Variants in IFFO2 observed in about 807,000 individuals in gnomAD.
IFFO2 encodes intermediate filament family orphan 2.
In IFFO2, 19 loss-of-function variants were observed where a neutral mutation model predicts 53.5. That is an observed-to-expected ratio of 0.36 (90% CI 0.25 to 0.52). The LOEUF is 0.52. Ranked by LOEUF, IFFO2 falls within the 20% of genes least tolerant of loss-of-function variation. IFFO2 has a pLI of 0.94. For missense variants in IFFO2, 570 were observed against 727.4 expected, an observed-to-expected ratio of 0.78 and a Z score of 2.49; for synonymous variants, 303 against 313.6, an observed-to-expected ratio of 0.97 and a Z score of 0.36.
Position 18,923,226 on chromosome 1 carries a change from C to T in IFFO2, c.666-2105G>A, listed in dbSNP as rs534778305. Among the ~76,000 whole-genome samples the T allele has an allele frequency of 3.3e-5, 5 of 152,326 alleles. 1 individual carries two copies. The highest frequency in any genetic ancestry group is 4.1e-4 in the South Asian group (2 of 4,828). On this transcript the variant is annotated intron_variant, in intron 1 of 8. Coordinates refer to ENST00000455833, the MANE Select transcript of IFFO2 (RefSeq NM_001136265.2). ...AGAATGGCATGGCTCCTCCCTTGGA[C>T]GCAGGCACCCAGGGGCACCTCCCCG...
chr1:18,922,895 C>T (rs1936234624), intron 1 of IFFO2, among the ~76,000 whole-genome samples: 1 of 151,920 alleles, frequency 6.6e-6, no homozygotes. Context: ...GAAGAGCAGG[C>T]CCCATGTTGG....
rs1936160033 is a variant in IFFO2, at chr1:18,917,978, C to T, written c.963+384G>A. ...CTCCCCATAACCTGGCCAGGGTTCC[C>T]CAACCGTGGGGATGATGCCCAGTTC... On this transcript the variant is annotated intron_variant, in intron 4 of 8. Transcript: ENST00000455833. The surrounding 1 kb of genome is among the most constrained non-coding windows in gnomAD (Gnocchi z 5.9). Among the ~76,000 whole-genome samples, 1 of 152,224 alleles carries T rather than the reference C, an allele frequency of 6.6e-6. No homozygotes were observed. The highest frequency in any genetic ancestry group is 2.1e-4 in the South Asian group (1 of 4,834).
At chr1:18,941,173 G>A (rs1340098449) in intron 1 of IFFO2, among the ~76,000 whole-genome samples, 2 of 152,264 alleles carry the variant, frequency 1.3e-5, no homozygotes, top group East Asian at 3.8e-4. Flanking sequence ...GAGAACACAT[G>A]TGTGCGGCTT....
chr1:18,952,818 T>C (rs1936674631), intron 1 of IFFO2, among the ~76,000 whole-genome samples: 2 of 152,376 alleles, frequency 1.3e-5, no homozygotes, highest in Middle Eastern at 3.4e-3. Flanking sequence ...TCTTGACTTG[T>C]ACACTTAAAA....
At chr1:18,951,120 C>T (rs1557651357) in intron 1 of IFFO2, among the ~76,000 whole-genome samples, 2 of 152,134 alleles carry the variant, frequency 1.3e-5, no homozygotes, top group South Asian at 2.1e-4. Flanking sequence ...GCTGAATCAG[C>T]GGTTTCTTTC....
chr1:18,918,555 G>T lies in IFFO2; in HGVS notation c.823-53C>A. The T allele has an allele frequency of 6.5e-6, 10 of 1,539,054 alleles. No homozygotes were observed. Among genetic ancestry groups the T allele is most frequent in the African/African-American group, 1.4e-5 (1 of 72,872 alleles). ...GAGCGAGGGATGGAGCAAGCCTGGG[G>T]GGCTTGGCAGAGAGGTGGGGAGACC... is the stretch of plus-strand genomic sequence containing the variant. On this transcript the variant is annotated intron_variant, in intron 3 of 8. Coordinates refer to ENST00000455833, the MANE Select transcript of IFFO2 (RefSeq NM_001136265.2). The surrounding 1 kb of genome is among the most constrained non-coding windows in gnomAD (Gnocchi z 5.2).
intron 1 of IFFO2, among the ~76,000 whole-genome samples, chr1:18,922,513 A>G (rs1936229924): frequency 6.6e-6 from 1 of 152,156 alleles, no homozygotes; most frequent in Non-Finnish European, 1.5e-5. Context: ...ACACAGAGGA[A>G]AATTCCTCCT....
At chr1:18,926,010 TGGATGGATGGA>T (rs1936287597) in intron 1 of IFFO2, among the ~76,000 whole-genome samples, 1 of 78,418 alleles carries the variant, frequency 1.3e-5, no homozygotes, top group South Asian at 4.9e-4. Context: ...ATTGGTTGGA[TGGATGGATGGA>T]TGGATGGATG....
intron 2 of IFFO2, among the ~76,000 whole-genome samples, chr1:18,920,644 T>C (rs533853443): frequency 4.9e-4 from 75 of 152,112 alleles, no homozygotes; most frequent in African/African-American, 1.7e-3. Context: ...GGAGCCCACC[T>C]GCGACGTGCC....
At position 18,908,592 on chromosome 1, in the gene IFFO2, C is replaced by T. The variant is rs377002676; in HGVS notation, c.1523G>A (p.Arg508His). ...GACCATGGGCTCCACATCCGCCTCGCGCTCGAACTCATCCTGGATCTCATC... is the reference window on the plus strand; with the variant it reads ...GACCATGGGCTCCACATCCGCCTCGTGCTCGAACTCATCCTGGATCTCATC... ...STDEIQDEFE[R>H]EADVEPMVS The change falls in exon 9 of 9, where the codon CGC becomes CAC. Residue 508 changes from arginine (R) to histidine (H), a missense_variant. Arg to His is a conservative substitution (Grantham distance 29). Coordinates refer to ENST00000455833, the MANE Select transcript of IFFO2 (RefSeq NM_001136265.2). The T allele has an allele frequency of 3.6e-5, 56 of 1,551,676 alleles. No homozygotes were observed. The African/African-American group carries it at 5.6e-4, about 16-fold the overall frequency.
chr1:18,956,074 G>T lies in IFFO2; in HGVS notation c.259C>A (p.Gln87Lys). Residue 87 changes from glutamine (Q) to lysine (K), a missense_variant, in exon 1 of 9, where the codon CAG (glutamine) becomes AAG (lysine). Coordinates refer to ENST00000455833, the MANE Select transcript of IFFO2 (RefSeq NM_001136265.2). This position sits in a 1 kb window ranked among gnomAD's most constrained non-coding sequence, Gnocchi z 6.4. ...CGCCGCTCGCGCTCGCTCTGCTGCT[G>T]CTCCAGCTGCTTCTCCAGCAGCCGG... ...RNRLLEKQLE[Q>K]QQSERERRLR... The T allele has an allele frequency of 6.7e-7, 1 of 1,490,102 alleles. No individual in the cohort carries two copies. Among genetic ancestry groups the T allele is most frequent in the Non-Finnish European group, 9.0e-7 (1 of 1,110,224 alleles). The allele number at this position is 1,490,102 out of a possible 1,614,324, so 92.3% of individuals were successfully genotyped here.
At position 18,904,838 on chromosome 1, in the gene IFFO2, G is replaced by C. The variant is rs547538740; in HGVS notation, c.*3723C>G. Reference sequence around the variant, plus strand: ...AGGGCCCTGGGGGGAACATAGCAAGGACTGCAGCCCAGGCTTGGCCTGGAG... The same window carrying C: ...AGGGCCCTGGGGGGAACATAGCAAGCACTGCAGCCCAGGCTTGGCCTGGAG... On this transcript the variant is annotated 3_prime_UTR_variant, in exon 9 of 9. Coordinates refer to ENST00000455833, the MANE Select transcript of IFFO2 (RefSeq NM_001136265.2). The C allele has an allele frequency of 6.6e-6, 1 of 152,194 alleles. No individual in the cohort carries two copies. The highest frequency in any genetic ancestry group is 1.9e-4 in the East Asian group (1 of 5,142). 9.4% of individuals were successfully genotyped at this position (152,194 alleles called of 1,614,324 possible).
intron 1 of IFFO2, among the ~76,000 whole-genome samples, chr1:18,933,783 A>G (rs1936410159): frequency 1.3e-5 from 2 of 152,122 alleles, no homozygotes; most frequent in Non-Finnish European, 2.9e-5. Flanking sequence ...AATAAACCAT[A>G]TAACATAGAA....
At position 18,928,417 on chromosome 1, in the gene IFFO2, G is replaced by A. The variant is rs1026911113; in HGVS notation, c.666-7296C>T. ...ATGTGAACACTTAACCAGGGCAGCC[G>A]ATTCCATTACAGGCGGGCAGTAATG... On this transcript the variant is annotated intron_variant, in intron 1 of 8. Coordinates refer to ENST00000455833, the MANE Select transcript of IFFO2 (RefSeq NM_001136265.2). The surrounding 1 kb of genome is among the most constrained non-coding windows in gnomAD (Gnocchi z 4.9). Among the ~76,000 whole-genome samples the A allele has an allele frequency of 6.6e-6, 1 of 152,224 alleles. No homozygotes were observed. Among genetic ancestry groups the A allele is most frequent in the Non-Finnish European group, 1.5e-5 (1 of 68,044 alleles).
chr1:18,950,854 G>A (rs1472872423), intron 1 of IFFO2, among the ~76,000 whole-genome samples: 2 of 152,166 alleles, frequency 1.3e-5, no homozygotes, highest in East Asian at 1.9e-4. Flanking sequence ...AGCCCCTTCC[G>A]GCTCACAGTC....
intron 1 of IFFO2, among the ~76,000 whole-genome samples, chr1:18,921,825 C>T (rs754017441): frequency 1.3e-5 from 2 of 152,058 alleles, no homozygotes; most frequent in African/African-American, 2.4e-5. Context: ...TACTTTGACA[C>T]GAGTACTGCC....
chr1:18,951,553 C>T (rs1936660278), intron 1 of IFFO2, among the ~76,000 whole-genome samples: 1 of 152,194 alleles, frequency 6.6e-6, no homozygotes, highest in African/African-American at 2.4e-5. Flanking sequence ...AAAAGAGTCG[C>T]CCTGTCTGAT....
At position 18,918,587 on chromosome 1, in the gene IFFO2, T is replaced by G; in HGVS notation, c.823-85A>C. On this transcript the variant is annotated intron_variant, in intron 3 of 8. Transcript: ENST00000455833. The surrounding 1 kb of genome is among the most constrained non-coding windows in gnomAD (Gnocchi z 5.2). The stretch of plus-strand genomic sequence containing the variant: ...GCAGAGAGGTGGGGAGACCCCTAGG[T>G]GTCAGCAGGGGTGGTGCGGGGAGGC... 2.8e-6 allele frequency: 4 copies of G among 1,413,624 alleles called. No homozygotes were observed. The highest frequency in any genetic ancestry group is 2.9e-6 in the Non-Finnish European group (3 of 1,032,800). 87.6% of individuals were successfully genotyped at this position (1,413,624 alleles called of 1,614,324 possible).
intron 7 of IFFO2, 27 bp downstream of exon 7, chr1:18,911,357 A>G: frequency 7.9e-7 from 1 of 1,260,284 alleles, no homozygotes; most frequent in Non-Finnish European, 1.1e-6. Context: ...GAGCCTCACG[A>G]GTGGGCTCCA....
Sources: allele counts gnomAD v4.1 joint callset (sites outside exome capture counted in the v4.1 genomes callset), GRCh38; gene constraint gnomAD v4.1.1; non-coding constraint Gnocchi (gnomAD v3.1); transcripts MANE v1.5; gene names NCBI Gene and HGNC (gene_info 2026-07-23, HGNC 2026-07-21).